HIPK2: variants seen among roughly 807,000 people sequenced by gnomAD.
HIPK2 encodes homeodomain-interacting protein kinase 2.
Under a neutral mutation model 113.7 loss-of-function variants are expected in HIPK2, and 27 were observed. The ratio of observed to expected loss-of-function variants is 0.24; its 90% confidence interval spans 0.17 to 0.33. The LOEUF (loss-of-function observed/expected upper bound fraction) is 0.33, where lower values mean the gene tolerates loss of function less well. HIPK2 is among the 10% of genes least tolerant of loss of function. HIPK2 has a pLI of 1.00. For synonymous variants in HIPK2, 631 were observed against 642.2 expected, an observed-to-expected ratio of 0.98 and a Z score of 0.26; for missense variants, 1,257 against 1,588.0, an observed-to-expected ratio of 0.79 and a Z score of 3.54.
Position 139,631,607 on chromosome 7 carries a change from C to A in HIPK2, c.1222G>T (p.Asp408Tyr), listed in dbSNP as rs779783511. The change falls in exon 3 of 15, where the codon GAT becomes TAT. Residue 408 changes from aspartate (D) to tyrosine (Y), a missense_variant. Physicochemically the swap from Asp to Tyr is radical, Grantham distance 160. Coordinates refer to ENST00000406875, the MANE Select transcript of HIPK2 (RefSeq NM_022740.5). The surrounding 1 kb of genome is among the most constrained non-coding windows in gnomAD (Gnocchi z 4.9). The part of the protein sequence containing the change: ...WPLYPGASEY[D>Y]QIRYISQTQG... ...TCTGTGTCATCTGGACCCACCTGAT[C>A]ATACTCCGAAGCTCCTGGATATAAC... is the stretch of plus-strand genomic sequence containing the variant. 2.5e-6 allele frequency: 4 copies of A among 1,613,906 alleles called. No homozygotes were observed. Among genetic ancestry groups the A allele is most frequent in the Non-Finnish European group, 3.4e-6 (4 of 1,179,858 alleles).
intron 2 of HIPK2, among the ~76,000 whole-genome samples, chr7:139,635,527 G>A (rs997919975): frequency 3.5e-4 from 54 of 152,160 alleles, no homozygotes; most frequent in African/African-American, 1.1e-3. Flanking sequence ...AGATTTTGAC[G>A]ACTGACGTGA....
At chr7:139,749,674 T>A (rs903557769) in intron 1 of HIPK2, among the ~76,000 whole-genome samples, 1 of 152,234 alleles carries the variant, frequency 6.6e-6, no homozygotes, top group South Asian at 2.1e-4. Context: ...GACTCGGGCT[T>A]AGAGCCTCTG....
chr7:139,608,637 C>T lies in HIPK2; in HGVS notation c.2113-4414G>A, dbSNP rs76569474. Among the ~76,000 whole-genome samples, 7 of 152,276 alleles carry T rather than the reference C, an allele frequency of 4.6e-5. No homozygotes were observed. In the East Asian group the frequency reaches 9.6e-4, roughly 21 times the overall value. On this transcript the variant is annotated intron_variant, in intron 9 of 14. Transcript: ENST00000406875. Reference sequence around the variant, plus strand: ...CCATGCTTTCAGCCAATATACACCTCTCCTTGTGTTGATAATACACAAAAA... The same window carrying T: ...CCATGCTTTCAGCCAATATACACCTTTCCTTGTGTTGATAATACACAAAAA...
At chr7:139,636,596 G>A (rs2116334718) in intron 2 of HIPK2, among the ~76,000 whole-genome samples, 1 of 152,226 alleles carries the variant, frequency 6.6e-6, no homozygotes, top group African/African-American at 2.4e-5. Flanking sequence ...GGAAGAGATT[G>A]GAGTGATGCT....
rs535964139 is a variant in HIPK2 at position 139,627,812 on chromosome 7, A to G, written c.1435-1027T>C. Among the ~76,000 whole-genome samples the G allele has an allele frequency of 1.4e-4, 22 of 152,346 alleles. No homozygotes were observed. In the South Asian group the frequency reaches 3.5e-3, roughly 24 times the overall value. ...TCACACTAAAAATAGCTGAAGTTCT[A>G]GAATTTTCTCTGGGGCACAAAGGTG... is the stretch of plus-strand genomic sequence containing the variant. On this transcript the variant is annotated intron_variant, in intron 5 of 14. Coordinates refer to ENST00000406875, the MANE Select transcript of HIPK2 (RefSeq NM_022740.5).
chr7:139,690,250 C>G (rs922207457), intron 2 of HIPK2, among the ~76,000 whole-genome samples: 3 of 152,082 alleles, frequency 2.0e-5, no homozygotes, highest in African/African-American at 7.3e-5. Context: ...GCTAGAGCAT[C>G]GGTCCCTATT....
At chr7:139,602,141 C>T (rs554244483) in intron 10 of HIPK2, among the ~76,000 whole-genome samples, 25 of 151,906 alleles carry the variant, frequency 1.6e-4, no homozygotes, top group Non-Finnish European at 2.7e-4. Context: ...TTAGTAGAGG[C>T]GGGGTTTCGC....
chr7:139,704,231 C>T (rs1210661190), intron 2 of HIPK2, among the ~76,000 whole-genome samples: 1 of 31,444 alleles, frequency 3.2e-5, no homozygotes, highest in Non-Finnish European at 7.1e-5. Flanking sequence ...ACACACTACA[C>T]CCAACACATG....
chr7:139,729,373 GAGAGAGA>G (rs1795697995), intron 1 of HIPK2, among the ~76,000 whole-genome samples: 1 of 132,284 alleles, frequency 7.6e-6, no homozygotes, highest in Non-Finnish European at 1.6e-5. Flanking sequence ...GAGAGAGAGA[GAGAGAGA>G]GAGAATTGGG....
intron 2 of HIPK2, among the ~76,000 whole-genome samples, chr7:139,662,074 G>A (rs1177255416): frequency 6.6e-6 from 1 of 152,154 alleles, no homozygotes; most frequent in Non-Finnish European, 1.5e-5. Context: ...CTTCCAAAGG[G>A]TGTTACCCAC....
At position 139,721,295 on chromosome 7, in the gene HIPK2, A is replaced by G. The variant is rs933846349; in HGVS notation, c.20-4280T>C. On this transcript the variant is annotated intron_variant, in intron 1 of 14. Coordinates refer to ENST00000406875, the MANE Select transcript of HIPK2 (RefSeq NM_022740.5). ...AATCCCTGAAATACCTTCATAAGGAATAAGACACTGCTGGTGGTTTTGTAG... is the reference window on the plus strand; with the variant it reads ...AATCCCTGAAATACCTTCATAAGGAGTAAGACACTGCTGGTGGTTTTGTAG... 1.6e-4 allele frequency among the ~76,000 whole-genome samples: 25 copies of G among 152,390 alleles called. 1 individual carries two copies. Among genetic ancestry groups the G allele is most frequent in the Admixed American group, 1.4e-3 (21 of 15,310 alleles).
At chr7:139,672,861 A>G (rs1585361083) in intron 2 of HIPK2, among the ~76,000 whole-genome samples, 1 of 152,206 alleles carries the variant, frequency 6.6e-6, no homozygotes, top group East Asian at 1.9e-4. Context: ...TGACTACCTC[A>G]TCTTTAACTT....
At chr7:139,699,567 T>C (rs1794651537) in intron 2 of HIPK2, among the ~76,000 whole-genome samples, 1 of 152,078 alleles carries the variant, frequency 6.6e-6, no homozygotes, top group Non-Finnish European at 1.5e-5. Flanking sequence ...GCCCCTCAGG[T>C]ACACCCTGCT....
Position 139,567,335 on chromosome 7 carries a change from G to C in HIPK2, c.*5592C>G, listed in dbSNP as rs1026096076. 7 of 152,076 alleles carry C rather than the reference G, an allele frequency of 4.6e-5. No homozygotes were observed. The highest frequency in any genetic ancestry group is 3.4e-3 in the Middle Eastern group (1 of 292). The allele number at this position is 152,076 out of a possible 1,614,324, so 9.4% of individuals were successfully genotyped here. On this transcript the variant is annotated 3_prime_UTR_variant, in exon 15 of 15. Coordinates refer to ENST00000406875, the MANE Select transcript of HIPK2 (RefSeq NM_022740.5). ...GGCACCTTGTCTCCCGATAGCAGCA[G>C]CATCGAAGGGGTCACCTCCACTCCT...
In HIPK2 at chr7:139,614,478, T is replaced by C; in HGVS notation, c.1798A>G (p.Ser600Gly). Reference protein sequence around the residue: ...TVHNQAPSSTSATISLANPEV... With the variant: ...TVHNQAPSSTGATISLANPEV... The stretch of plus-strand genomic sequence containing the variant: ...GGATTGGCTAAGGAAATAGTGGCAC[T>C]GGTAGAGGAGGGAGCCTAAAGGAGT... The change falls in exon 8 of 15, where the codon AGT (serine) becomes GGT (glycine). Residue 600 changes from serine (S) to glycine (G), a missense_variant. This residue lies in a region of HIPK2 where 862 missense variants were observed against 1,004.3 expected (regional missense o/e 0.86). Transcript: ENST00000406875. 1.4e-6 allele frequency: 2 copies of C among 1,430,420 alleles called. No homozygotes were observed. The highest frequency in any genetic ancestry group is 1.9e-6 in the Non-Finnish European group (2 of 1,078,398). The allele number at this position is 1,430,420 out of a possible 1,614,324, so 88.6% of individuals were successfully genotyped here. A position where few individuals can be genotyped will look rare whatever the true frequency, so the allele number is the denominator to read the frequency against.
intron 2 of HIPK2, among the ~76,000 whole-genome samples, chr7:139,648,402 C>T (rs925279155): frequency 1.2e-4 from 19 of 152,150 alleles, no homozygotes; most frequent in African/African-American, 4.6e-4. Context: ...TACAGGCCAT[C>T]ACTAGGGAGT....
rs748878383 is a variant in HIPK2 at position 139,573,197 on chromosome 7, C to A, written c.3327G>T (p.Ala1109=). ...QPHLYTYTAP[A]ALGSTGTVAH... ...CCACGGTGCCGGTGGAGCCCAGGGC[C>A]GCCGGCGCAGTGTAGGTGTAGAGGT... The change falls in exon 15 of 15, where the codon GCG becomes GCT. Residue 1109 remains alanine (A), a synonymous_variant. Transcript: ENST00000406875. 1 of 1,606,744 alleles carries A rather than the reference C, an allele frequency of 6.2e-7. No individual in the cohort carries two copies. Among genetic ancestry groups the A allele is most frequent in the South Asian group, 1.1e-5 (1 of 90,912 alleles).
At chr7:139,704,810 G>A (rs893349593) in intron 2 of HIPK2, among the ~76,000 whole-genome samples, 7 of 151,926 alleles carry the variant, frequency 4.6e-5, no homozygotes, top group East Asian at 1.9e-4. Flanking sequence ...CACTCTCCTC[G>A]GAGGCCCCTG....
At chr7:139,601,185 A>C (rs1284933822) in intron 10 of HIPK2, among the ~76,000 whole-genome samples, 1 of 151,722 alleles carries the variant, frequency 6.6e-6, no homozygotes, top group Non-Finnish European at 1.5e-5. Context: ...CAGAGGTTGC[A>C]TGAGCCGAGA....
Sources: gnomAD v4.1 joint callset for allele counts (sites outside exome capture counted in the v4.1 genomes callset) on GRCh38, gnomAD v4.1.1 for gene constraint, gnomAD v4.1.1 regional missense constraint, Gnocchi (gnomAD v3.1) non-coding constraint, MANE v1.5 for transcripts, NCBI Gene and HGNC (gene_info 2026-07-23, HGNC 2026-07-21) for gene names.